The following XPR1 variants were observed in gnomAD, a reference collection of about 807,000 sequenced individuals.
The protein encoded by XPR1 is xenotropic and polytropic retrovirus receptor 1.
In XPR1, 28 loss-of-function variants were observed where a neutral mutation model predicts 87.5. The observed-to-expected ratio is 0.32, with a 90% CI of 0.24 to 0.44. The LOEUF (loss-of-function observed/expected upper bound fraction) is 0.44. XPR1 is among the 20% of genes least tolerant of loss of function. The pLI, the probability that XPR1 is intolerant of heterozygous loss-of-function variation, is 1.00. For synonymous variants in XPR1, 300 were observed against 306.1 expected (o/e 0.98, Z 0.21); for missense variants, 559 against 862.3 (o/e 0.65, Z 4.41).
At chr1:180,770,015 G>A (rs1361424557) in intron 2 of XPR1, among the ~76,000 whole-genome samples, 1 of 152,002 alleles carries the variant, frequency 6.6e-6, no homozygotes, top group East Asian at 1.9e-4. Flanking sequence ...AATTATTTTG[G>A]TTTTGAGCTT....
chr1:180,727,112 C>T (rs915091419), intron 2 of XPR1, among the ~76,000 whole-genome samples: 3 of 152,066 alleles, frequency 2.0e-5, no homozygotes, highest in African/African-American at 7.2e-5. Context: ...ATCTGCCTGC[C>T]TCAGCCTCCC....
chr1:180,738,784 C>T (rs1389141608), intron 2 of XPR1, among the ~76,000 whole-genome samples: 1 of 152,022 alleles, frequency 6.6e-6, no homozygotes, highest in Non-Finnish European at 1.5e-5. Context: ...AGATACAAGT[C>T]CTTTTGTTGA....
At chr1:180,808,284 T>C (rs1284672248) in intron 6 of XPR1, among the ~76,000 whole-genome samples, 1 of 143,010 alleles carries the variant, frequency 7.0e-6, no homozygotes, top group African/African-American at 2.7e-5. Context: ...GAATTCCATA[T>C]ACCAAAAAAA....
intron 11 of XPR1, among the ~76,000 whole-genome samples, chr1:180,853,189 A>T (rs1375743172): frequency 6.6e-6 from 1 of 152,068 alleles, no homozygotes; most frequent in Admixed American, 6.6e-5. Flanking sequence ...CGGCCTCCCA[A>T]ATTACTGGGA....
chr1:180,759,759 A>G (rs894552072), intron 2 of XPR1, among the ~76,000 whole-genome samples: 5 of 152,234 alleles, frequency 3.3e-5, no homozygotes, highest in Non-Finnish European at 5.9e-5. Context: ...TCCCTAACTC[A>G]TTTTATGAGG....
intron 1 of XPR1, among the ~76,000 whole-genome samples, chr1:180,662,408 G>T (rs970492760): frequency 6.6e-6 from 1 of 151,988 alleles, no homozygotes; most frequent in Non-Finnish European, 1.5e-5. Context: ...ACTATTTTAG[G>T]ATGAAAGTTT....
chr1:180,775,932 A>G (rs188983417), intron 2 of XPR1, among the ~76,000 whole-genome samples: 15 of 152,280 alleles, frequency 9.9e-5, no homozygotes, highest in Middle Eastern at 3.4e-3. Flanking sequence ...TAATTAGTCT[A>G]CAGTCAAGAA....
intron 2 of XPR1, among the ~76,000 whole-genome samples, chr1:180,727,655 C>T (rs1658401641): frequency 6.6e-6 from 1 of 152,106 alleles, no homozygotes; most frequent in African/African-American, 2.4e-5. Flanking sequence ...AAAAACCAAC[C>T]AACCAAACCA....
At chr1:180,811,161 T>G (rs1650197153) in intron 6 of XPR1, among the ~76,000 whole-genome samples, 1 of 152,154 alleles carries the variant, frequency 6.6e-6, no homozygotes, top group South Asian at 2.1e-4. Flanking sequence ...ATTTAATGCC[T>G]AAGATTATAA....
At chr1:180,659,591 C>CA (rs1655694135) in intron 1 of XPR1, among the ~76,000 whole-genome samples, 1 of 128,356 alleles carries the variant, frequency 7.8e-6, no homozygotes, top group African/African-American at 3.1e-5. Flanking sequence ...GCCACCGCAC[C>CA]CCCACCCCCC....
chr1:180,691,029 G>C (rs1426336160), intron 2 of XPR1, among the ~76,000 whole-genome samples: 4 of 151,950 alleles, frequency 2.6e-5, no homozygotes, highest in Non-Finnish European at 5.9e-5. Flanking sequence ...TTGTTTTACA[G>C]TACTGGCATT....
chr1:180,855,613 G>A (rs1652000791), intron 11 of XPR1, among the ~76,000 whole-genome samples: 2 of 149,470 alleles, frequency 1.3e-5, no homozygotes, highest in African/African-American at 2.5e-5. Context: ...GCAATGAGCC[G>A]AGATCATGCC....
intron 14 of XPR1, among the ~76,000 whole-genome samples, chr1:180,882,048 T>C (rs1227964239): frequency 6.6e-6 from 1 of 152,186 alleles, no homozygotes; most frequent in Non-Finnish European, 1.5e-5. Flanking sequence ...CTAAGTGTGA[T>C]TGGTGACCTC....
rs1300241746 is a variant in XPR1 at position 180,885,203 on chromosome 1, G to T, written c.*1137G>T. The T allele has an allele frequency of 1.3e-5, 2 of 152,510 alleles. No individual in the cohort carries two copies. The highest frequency in any genetic ancestry group is 2.9e-5 in the Non-Finnish European group (2 of 68,026). The allele number at this position is 152,510 out of a possible 1,614,324, so 9.4% of individuals were successfully genotyped here. On this transcript the variant is annotated 3_prime_UTR_variant, in exon 15 of 15. Coordinates refer to ENST00000367590, the MANE Select transcript of XPR1 (RefSeq NM_004736.4). ...GGTTCAACCACTTTAGCCAGAATTT[G>T]ATCAAATTAAAAGTCTGTCATGGGG... is the stretch of plus-strand genomic sequence containing the variant.
chr1:180,682,542 T>C, intron 2 of XPR1, 131 bp downstream of exon 2: 1 of 372,978 alleles, frequency 2.7e-6, no homozygotes, highest in East Asian at 5.3e-5. Context: ...CTTTTAATAA[T>C]ATATATTATG....
rs140890116 is a variant in XPR1, at chr1:180,690,193, C to T, written c.121+7782C>T. ...AAGTGTATTTAAATAAAATAGATACCGTAAGGTTTTGTACCATTGACAGAA... is the reference window on the plus strand; with the variant it reads ...AAGTGTATTTAAATAAAATAGATACTGTAAGGTTTTGTACCATTGACAGAA... On this transcript the variant is annotated intron_variant, in intron 2 of 14. Transcript: ENST00000367590. 6.5e-3 allele frequency among the ~76,000 whole-genome samples: 979 copies of T among 151,478 alleles called. 5 individuals are homozygous for T. Among genetic ancestry groups the T allele is most frequent in the African/African-American group, 0.021 (887 of 41,324 alleles).
At chr1:180,777,387 T>C (rs1299388346) in intron 2 of XPR1, among the ~76,000 whole-genome samples, 1 of 152,248 alleles carries the variant, frequency 6.6e-6, no homozygotes, top group African/African-American at 2.4e-5. Flanking sequence ...GCTAGTCCTT[T>C]ATTCTACCCT....
intron 2 of XPR1, among the ~76,000 whole-genome samples, chr1:180,689,055 T>C (rs1001526900): frequency 4.6e-5 from 7 of 152,336 alleles, no homozygotes; most frequent in South Asian, 2.1e-4. Flanking sequence ...TTTTCTACTC[T>C]TTATTTGTGA....
chr1:180,837,262 A>C (rs1313233156), intron 11 of XPR1, among the ~76,000 whole-genome samples: 1 of 151,910 alleles, frequency 6.6e-6, no homozygotes, highest in East Asian at 1.9e-4. Context: ...ACATGCAGCC[A>C]CTCCTTTTGA....
Sources: allele counts gnomAD v4.1 joint callset (sites outside exome capture counted in the v4.1 genomes callset), GRCh38; gene constraint gnomAD v4.1.1; transcripts MANE v1.5; gene names NCBI Gene and HGNC (gene_info 2026-07-23, HGNC 2026-07-21).